CRADD: variants seen among roughly 807,000 people sequenced by gnomAD.
The protein encoded by CRADD is CARD and death domain containing adaptor protein, also known as death domain-containing protein CRADD.
In CRADD, 9 loss-of-function variants were observed where a neutral mutation model predicts 15.5. The observed-to-expected ratio is 0.58, with a 90% confidence interval of 0.35 to 1.01. The LOEUF is 1.01. Among genes scored for constraint, CRADD ranks in the 50% least tolerant of loss-of-function variants. CRADD has a pLI of 0.02. For synonymous variants in CRADD, 118 were observed against 107.6 expected, an observed-to-expected ratio of 1.10 and a Z score of -0.60; for missense variants, 227 against 250.3, an observed-to-expected ratio of 0.91 and a Z score of 0.63.
rs189344905 is a variant in CRADD at position 93,784,187 on chromosome 12, C to T, written c.299-65783C>T. On this transcript the variant is annotated intron_variant, in intron 2 of 2. Transcript: ENST00000332896. ...TTCTGACGTTGTTTCCTTCAAGAAT[C>T]GAGGCGCTAAATATAGTCAAGCTGA... 5.3e-4 allele frequency among the ~76,000 whole-genome samples: 80 copies of T among 152,146 alleles called. 1 individual carries two copies. The highest frequency in any genetic ancestry group is 1.8e-3 in the African/African-American group (75 of 41,508).
chr12:93,863,004 A>T (rs1404390316), intron 2 of CRADD, among the ~76,000 whole-genome samples: 1 of 152,214 alleles, frequency 6.6e-6, no homozygotes, highest in African/African-American at 2.4e-5. Context: ...GCAGCATATT[A>T]TGGGGCACAT....
At chr12:93,888,208 G>A (rs905701670) in intron 2 of CRADD, among the ~76,000 whole-genome samples, 4 of 152,084 alleles carry the variant, frequency 2.6e-5, no homozygotes, top group Non-Finnish European at 4.4e-5. Flanking sequence ...GGCGGATCAC[G>A]AGGTCAGGAG....
At chr12:93,864,884 A>G (rs1353135499) in intron 2 of CRADD, among the ~76,000 whole-genome samples, 1 of 152,250 alleles carries the variant, frequency 6.6e-6, no homozygotes, top group Non-Finnish European at 1.5e-5. Flanking sequence ...AGATAATCAT[A>G]GAACCAACCT....
At chr12:93,860,177 A>C (rs1958308555) in intron 2 of CRADD, among the ~76,000 whole-genome samples, 1 of 152,192 alleles carries the variant, frequency 6.6e-6, no homozygotes, top group South Asian at 2.1e-4. Context: ...ATAAGATATC[A>C]GAATTCTGAC....
intron 2 of CRADD, among the ~76,000 whole-genome samples, chr12:93,759,499 T>G (rs535152043): frequency 2.0e-5 from 3 of 152,322 alleles, no homozygotes; most frequent in South Asian, 2.1e-4. Flanking sequence ...TCTCTTCATC[T>G]TTCATTTTGG....
chr12:93,688,484 G>T (rs1315960469), intron 2 of CRADD, among the ~76,000 whole-genome samples: 1 of 146,646 alleles, frequency 6.8e-6, no homozygotes, highest in Non-Finnish European at 1.5e-5. Flanking sequence ...GACAGAGTGA[G>T]ACCCTGTCTC....
At chr12:93,800,561 A>G (rs1364666953) in intron 2 of CRADD, among the ~76,000 whole-genome samples, 1 of 152,078 alleles carries the variant, frequency 6.6e-6, no homozygotes, top group Admixed American at 6.6e-5. Flanking sequence ...TGATGGTTTA[A>G]AAGTATGGCA....
intron 2 of CRADD, among the ~76,000 whole-genome samples, chr12:93,725,867 G>T (rs948150430): frequency 6.6e-6 from 1 of 152,106 alleles, no homozygotes; most frequent in African/African-American, 2.4e-5. Flanking sequence ...AAAACTCCCT[G>T]CCTGTAATGT....
Position 93,677,419 on chromosome 12 carries a change from C to T in CRADD, c.-60C>T, listed in dbSNP as rs1474510685. The stretch of plus-strand genomic sequence containing the variant: ...CTTATGGGGCAGGTTCCCTAACAGT[C>T]AGGATTCCGGTTGCAGTTTTTCTCC... On this transcript the variant is annotated 5_prime_UTR_variant, in exon 1 of 3. Coordinates refer to ENST00000332896, the MANE Select transcript of CRADD (RefSeq NM_003805.5). 1.3e-5 allele frequency: 2 copies of T among 152,272 alleles called. No individual in the cohort carries two copies. Among genetic ancestry groups the T allele is most frequent in the Non-Finnish European group, 2.9e-5 (2 of 68,058 alleles). The allele number at this position is 152,272 out of a possible 1,614,324, so 9.4% of individuals were successfully genotyped here. A position where few individuals can be genotyped will look rare whatever the true frequency, so the allele number is the denominator to read the frequency against.
chr12:93,726,447 G>A (rs574621241), intron 2 of CRADD, among the ~76,000 whole-genome samples: 1 of 151,944 alleles, frequency 6.6e-6, no homozygotes, highest in African/African-American at 2.4e-5. Context: ...TGTTAGGTCT[G>A]TTTATTTGAG....
intron 2 of CRADD, among the ~76,000 whole-genome samples, chr12:93,762,524 G>T (rs978052402): frequency 2.0e-5 from 3 of 152,138 alleles, no homozygotes; most frequent in African/African-American, 7.2e-5. Flanking sequence ...GGCTTGCCTG[G>T]CAAATATTTG....
intron 2 of CRADD, among the ~76,000 whole-genome samples, chr12:93,775,636 G>T (rs1043009587): frequency 2.6e-5 from 4 of 152,158 alleles, no homozygotes; most frequent in African/African-American, 9.7e-5. Flanking sequence ...AGTACCCCAG[G>T]CTTGTCTGAC....
intron 2 of CRADD, among the ~76,000 whole-genome samples, chr12:93,710,222 A>G (rs1956036475): frequency 6.6e-6 from 1 of 152,080 alleles, no homozygotes; most frequent in Admixed American, 6.5e-5. Flanking sequence ...GCTGTGCACT[A>G]GAGTTCCTTA....
intron 2 of CRADD, among the ~76,000 whole-genome samples, chr12:93,825,686 G>A (rs1957815963): frequency 6.6e-6 from 1 of 152,166 alleles, no homozygotes; most frequent in Non-Finnish European, 1.5e-5. Context: ...CTAAGCCTAG[G>A]AGAAGCACAG....
At chr12:93,680,806 T>A (rs1368236559) in intron 2 of CRADD, among the ~76,000 whole-genome samples, 1 of 152,184 alleles carries the variant, frequency 6.6e-6, no homozygotes, top group Non-Finnish European at 1.5e-5. Flanking sequence ...CCTTTCACTA[T>A]CAAAATACTG....
chr12:93,764,187 T>C (rs1219651155), intron 2 of CRADD, among the ~76,000 whole-genome samples: 2 of 151,424 alleles, frequency 1.3e-5, no homozygotes, highest in Non-Finnish European at 2.9e-5. Flanking sequence ...CAACTTTTTT[T>C]TTTTTTTTTT....
chr12:93,800,600 C>G (rs1019479230), intron 2 of CRADD, among the ~76,000 whole-genome samples: 1 of 152,156 alleles, frequency 6.6e-6, no homozygotes, highest in Non-Finnish European at 1.5e-5. Context: ...CTCTCTCTCT[C>G]TGGCCACTAT....
chr12:93,719,419 T>C (rs1956219967), intron 2 of CRADD, among the ~76,000 whole-genome samples: 1 of 152,198 alleles, frequency 6.6e-6, no homozygotes. Flanking sequence ...TCTTTTCTTG[T>C]AATGTCTTTG....
At chr12:93,811,665 G>A (rs1418892199) in intron 2 of CRADD, among the ~76,000 whole-genome samples, 3 of 152,176 alleles carry the variant, frequency 2.0e-5, no homozygotes, top group African/African-American at 7.2e-5. Context: ...ACATTGAAAC[G>A]CTGCTAAAAG....
Sources: allele counts gnomAD v4.1 joint callset (sites outside exome capture counted in the v4.1 genomes callset), GRCh38; gene constraint gnomAD v4.1.1; transcripts MANE v1.5; gene names NCBI Gene and HGNC (gene_info 2026-07-23, HGNC 2026-07-21).